The following GRID2 variants were observed in gnomAD, a reference collection of about 807,000 sequenced individuals.
The protein encoded by GRID2 is glutamate ionotropic receptor delta type subunit 2, also known as glutamate receptor ionotropic, delta-2.
In GRID2, 33 loss-of-function variants were observed where a neutral mutation model predicts 114.8. The observed-to-expected ratio is 0.29, with a 90% CI of 0.22 to 0.38. GRID2 has a LOEUF of 0.38. Among genes scored for constraint, GRID2 ranks in the 10% least tolerant of loss-of-function variants. The pLI is 1.00. For synonymous variants in GRID2, 505 were observed against 449.9 expected (o/e 1.12, Z -1.55); for missense variants, 1,184 against 1,257.7 (o/e 0.94, Z 0.89).
At chr4:93,039,740 C>T (rs191130386) in intron 2 of GRID2, among the ~76,000 whole-genome samples, 171 of 152,196 alleles carry the variant, frequency 1.1e-3, no homozygotes, top group African/African-American at 3.5e-3. Context: ...ACTCAAATCC[C>T]GGCTCATACT....
At chr4:92,786,547 C>T (rs1739330811) in intron 2 of GRID2, among the ~76,000 whole-genome samples, 1 of 151,706 alleles carries the variant, frequency 6.6e-6, no homozygotes, top group Non-Finnish European at 1.5e-5. Context: ...AAAGAATATT[C>T]AATTCAAACA....
chr4:92,433,255 G>T (rs886222203), intron 1 of GRID2, among the ~76,000 whole-genome samples: 1 of 152,206 alleles, frequency 6.6e-6, no homozygotes, highest in Non-Finnish European at 1.5e-5. Flanking sequence ...ACCCAAGGCA[G>T]TGCCTCACTA....
At chr4:93,085,582 C>T (rs1403130116) in intron 3 of GRID2, among the ~76,000 whole-genome samples, 2 of 152,092 alleles carry the variant, frequency 1.3e-5, no homozygotes, top group African/African-American at 2.4e-5. Flanking sequence ...GGAATTTAGT[C>T]ATAAAAACAA....
At chr4:92,728,759 G>A (rs1314850660) in intron 2 of GRID2, among the ~76,000 whole-genome samples, 2 of 151,838 alleles carry the variant, frequency 1.3e-5, no homozygotes, top group Non-Finnish European at 2.9e-5. Flanking sequence ...CAGAGAAATA[G>A]CCTCTTACTC....
chr4:92,584,848 A>G (rs1486709842), intron 1 of GRID2, among the ~76,000 whole-genome samples: 6 of 152,018 alleles, frequency 3.9e-5, no homozygotes, highest in Non-Finnish European at 5.9e-5. Flanking sequence ...CTCCTACTCT[A>G]CATCTTGTAA....
intron 2 of GRID2, among the ~76,000 whole-genome samples, chr4:92,968,571 T>C (rs1025153643): frequency 1.3e-5 from 2 of 151,968 alleles, no homozygotes; most frequent in Non-Finnish European, 2.9e-5. Flanking sequence ...CTCAGTATTT[T>C]TTATTTATTC....
intron 2 of GRID2, among the ~76,000 whole-genome samples, chr4:92,999,088 AT>A (rs138182527): frequency 2.0e-5 from 3 of 151,704 alleles, no homozygotes; most frequent in African/African-American, 7.3e-5. Flanking sequence ...TTAATGTACT[AT>A]TTTTTTCCAT....
Position 92,848,682 on chromosome 4 carries a change from T to C in GRID2, c.245-236313T>C, listed in dbSNP as rs542564050. Among the ~76,000 whole-genome samples the C allele has an allele frequency of 3.9e-5, 6 of 152,092 alleles. No homozygotes were observed. The East Asian group carries it at 1.2e-3, about 29-fold the overall frequency. ...ACATCATTACCACCTGAGAATTTAA[T>C]GAAGCGGGCTACGGGGATCTGGAGT... is the stretch of plus-strand genomic sequence containing the variant. On this transcript the variant is annotated intron_variant, in intron 2 of 15. Transcript: ENST00000282020.
intron 12 of GRID2, among the ~76,000 whole-genome samples, chr4:93,501,306 G>A (rs1156415191): frequency 6.6e-6 from 1 of 151,944 alleles, no homozygotes; most frequent in Non-Finnish European, 1.5e-5. Flanking sequence ...TCTTCCAGTA[G>A]GAGTCTTTTT....
chr4:92,529,612 G>C (rs1725230622), intron 1 of GRID2, among the ~76,000 whole-genome samples: 1 of 152,112 alleles, frequency 6.6e-6, no homozygotes, highest in Non-Finnish European at 1.5e-5. Context: ...ACTGGGGAAT[G>C]GTAGAACATG....
intron 4 of GRID2, among the ~76,000 whole-genome samples, chr4:93,192,174 T>C (rs1741046424): frequency 1.3e-5 from 2 of 152,120 alleles, no homozygotes; most frequent in Admixed American, 1.3e-4. Flanking sequence ...TTACTAACAC[T>C]TTGCTTTTTT....
chr4:93,755,927 C>T (rs1172416492), intron 14 of GRID2, among the ~76,000 whole-genome samples: 3 of 152,194 alleles, frequency 2.0e-5, no homozygotes, highest in East Asian at 3.9e-4. Flanking sequence ...ATTATGTTCA[C>T]AACACAGGAG....
chr4:92,944,417 T>C (rs768025434), intron 2 of GRID2, among the ~76,000 whole-genome samples: 11 of 152,186 alleles, frequency 7.2e-5, no homozygotes, highest in Non-Finnish European at 1.5e-4. Flanking sequence ...GCTAAGACAG[T>C]TGGAAAAGCA....
chr4:93,745,857 T>C (rs780837436), intron 14 of GRID2, among the ~76,000 whole-genome samples: 1 of 152,164 alleles, frequency 6.6e-6, no homozygotes, highest in Non-Finnish European at 1.5e-5. Flanking sequence ...TTTGACTTTG[T>C]GCTGCAGGCA....
intron 3 of GRID2, among the ~76,000 whole-genome samples, chr4:93,097,845 C>T (rs1156554003): frequency 6.6e-6 from 1 of 151,758 alleles, no homozygotes; most frequent in Non-Finnish European, 1.5e-5. Context: ...CAAAATGAGC[C>T]ATTTTCTGGA....
chr4:93,360,058 A>T, intron 8 of GRID2, among the ~76,000 whole-genome samples: 1 of 151,700 alleles, frequency 6.6e-6, no homozygotes, highest in Admixed American at 6.6e-5. Flanking sequence ...TAGCTTTTAA[A>T]ATTCATTAAC....
intron 2 of GRID2, among the ~76,000 whole-genome samples, chr4:92,733,205 A>G (rs986572939): frequency 2.6e-5 from 4 of 152,114 alleles, no homozygotes; most frequent in African/African-American, 9.7e-5. Flanking sequence ...TTTAAATTCA[A>G]TTAAGTTTTC....
intron 1 of GRID2, among the ~76,000 whole-genome samples, chr4:92,361,979 T>C (rs1451972104): frequency 6.6e-6 from 1 of 151,998 alleles, no homozygotes; most frequent in Non-Finnish European, 1.5e-5. Flanking sequence ...CCTGGAAATA[T>C]AATGAGAAGA....
intron 13 of GRID2, among the ~76,000 whole-genome samples, chr4:93,579,524 C>T (rs563402186): frequency 7.0e-4 from 106 of 152,148 alleles, no homozygotes; most frequent in African/African-American, 2.4e-3. Context: ...ATTCCTCTTA[C>T]CCTCATGCAA....
Sources: allele counts gnomAD v4.1 joint callset (sites outside exome capture counted in the v4.1 genomes callset), GRCh38; gene constraint gnomAD v4.1.1; transcripts MANE v1.5; gene names NCBI Gene and HGNC (gene_info 2026-07-23, HGNC 2026-07-21).